The following LCT variants were observed in gnomAD, a reference collection of about 807,000 sequenced individuals.
LCT encodes the protein lactase, also known as lactase/phlorizin hydrolase.
In LCT, 90 loss-of-function variants were observed where a neutral mutation model predicts 173.0. The observed-to-expected ratio is 0.52, with a 90% CI of 0.44 to 0.62. LCT has a LOEUF of 0.62. Ranked by LOEUF, LCT falls within the 20% of genes least tolerant of loss-of-function variation. The probability of loss-of-function intolerance (pLI) is 0.00; values close to 1 mark genes in which losing one functional copy is unlikely to be tolerated. For missense variants in LCT, 1,864 were observed against 2,431.4 expected, an observed-to-expected ratio of 0.77 and a Z score of 4.91; for synonymous variants, 853 against 957.6, an observed-to-expected ratio of 0.89 and a Z score of 2.02.
rs769747422 is a variant in LCT at position 135,808,723 on chromosome 2, C to T, written c.3624G>A (p.Thr1208=). 4.3e-6 allele frequency: 7 copies of T among 1,614,064 alleles called. No individual in the cohort carries two copies. The highest frequency in any genetic ancestry group is 3.3e-5 in the South Asian group (3 of 91,090). The change falls in exon 8 of 17, where the codon ACG becomes ACA. Residue 1208 remains threonine (T), a synonymous_variant. Coordinates refer to ENST00000264162, the MANE Select transcript of LCT (RefSeq NM_002299.4). ...TGTGCTGCACGATTCTGGAGTAGTACGTGTTGAGGCAGAAGACGTCGGCCG... is the reference window on the plus strand; with the variant it reads ...TGTGCTGCACGATTCTGGAGTAGTATGTGTTGAGGCAGAAGACGTCGGCCG... The part of the protein sequence containing the change: ...RATADVFCLN[T]YYSRIVQHKT...
At chr2:135,793,198 AG>A (rs2105519149) in intron 14 of LCT, among the ~76,000 whole-genome samples, 1 of 152,332 alleles carries the variant, frequency 6.6e-6, no homozygotes, top group South Asian at 2.1e-4. Flanking sequence ...ACTACAACCA[AG>A]GACCCTCACA....
intron 6 of LCT, 38 bp downstream of exon 6, chr2:135,817,303 C>T: frequency 1.2e-6 from 2 of 1,602,578 alleles, no homozygotes; most frequent in South Asian, 2.2e-5. Flanking sequence ...AATGTCCTTT[C>T]TCCTCCAATT....
intron 14 of LCT, among the ~76,000 whole-genome samples, chr2:135,792,425 A>G (rs765667445): frequency 3.9e-5 from 6 of 152,212 alleles, no homozygotes; most frequent in Non-Finnish European, 5.9e-5. Context: ...AGTGCAGATA[A>G]AAGCACAGAA....
At chr2:135,804,735 C>A in intron 10 of LCT, 32 bp downstream of exon 10, 1 of 1,609,140 alleles carries the variant, frequency 6.2e-7, no homozygotes, top group Non-Finnish European at 8.5e-7. Context: ...TGCATGTGGA[C>A]TTTCCCAAGG....
intron 4 of LCT, among the ~76,000 whole-genome samples, 158 bp downstream of exon 4, chr2:135,823,743 G>A (rs2077857486): frequency 6.6e-6 from 1 of 152,150 alleles, no homozygotes; most frequent in African/African-American, 2.4e-5. Flanking sequence ...ACCATCAGTA[G>A]GAAGGCATAG....
At chr2:135,806,944 G>A (rs1373224659) in intron 9 of LCT, among the ~76,000 whole-genome samples, 184 bp downstream of exon 9, 5 of 152,160 alleles carry the variant, frequency 3.3e-5, no homozygotes, top group African/African-American at 1.2e-4. Flanking sequence ...ATGCTGGTCT[G>A]GGTAAATTTG....
rs1359869717 is a variant in LCT, at chr2:135,809,333, T to C, written c.3014A>G (p.Asn1005Ser). The change falls in exon 8 of 17, where the codon AAT becomes AGT. Residue 1005 changes from asparagine to serine, a missense_variant. Asn to Ser is a conservative substitution (Grantham distance 46). Around this residue, in one of 4 missense-constraint regions of LCT, gnomAD observed 755 missense variants for 926.3 expected, o/e 0.82. Coordinates refer to ENST00000264162, the MANE Select transcript of LCT (RefSeq NM_002299.4). The surrounding 1 kb of genome is among the most constrained non-coding windows in gnomAD (Gnocchi z 5.5). The part of the protein sequence containing the change: ...HGVDYYNRLI[N>S]GLVASNIFPM... ...AAAGATGTTGCTTGCCACCAAGCCA[T>C]TGATCAGCCTGTTGTAATAATCAAC... The C allele has an allele frequency of 1.9e-6, 3 of 1,614,098 alleles. No homozygotes were observed. The highest frequency in any genetic ancestry group is 1.3e-5 in the African/African-American group (1 of 74,930).
At chr2:135,796,630 C>G (rs2077584612) in intron 13 of LCT, among the ~76,000 whole-genome samples, 1 of 152,214 alleles carries the variant, frequency 6.6e-6, no homozygotes, top group African/African-American at 2.4e-5. Context: ...CCTGGGTCTA[C>G]CCAGCCTACC....
In LCT at chr2:135,809,923, AG is replaced by A. The variant is rs1310762569; in HGVS notation, c.2423del (p.Pro808LeufsTer35). 3.1e-6 allele frequency: 5 copies of A among 1,614,142 alleles called. No individual in the cohort carries two copies. Among genetic ancestry groups the A allele is most frequent in the Non-Finnish European group, 4.2e-6 (5 of 1,180,052 alleles). ...GGCCAAACCGCTGGCTGTAACCAGA[AG>A]GGCCTTCGAAGCCATCAATGAGGGA... ...ARSLIDGFEG[P>X]SGYSQRFGLH... On this transcript the variant is annotated frameshift_variant, in exon 8 of 17. Coordinates refer to ENST00000264162, the MANE Select transcript of LCT (RefSeq NM_002299.4). LOFTEE classifies it high-confidence loss of function. This position sits in a 1 kb window ranked among gnomAD's most constrained non-coding sequence, Gnocchi z 5.5.
chr2:135,789,787 T>C lies in LCT; in HGVS notation c.5347A>G (p.Lys1783Glu), dbSNP rs750995589. The stretch of plus-strand genomic sequence containing the variant: ...ACTGTGTATCCTCGAAGGTCCACCT[T>C]GTCCTGCACAGCTGCTCAAACACAG... ...INEALKAVQD[K>E]VDLRGYTVWS... The change falls in exon 16 of 17, where the codon AAG becomes GAG. Residue 1783 changes from lysine to glutamate, a missense_variant. Physicochemically the swap from Lys to Glu is moderately conservative, Grantham distance 56. Coordinates refer to ENST00000264162, the MANE Select transcript of LCT (RefSeq NM_002299.4). 6.2e-7 allele frequency: 1 copy of C among 1,613,858 alleles called. No individual in the cohort carries two copies. The highest frequency in any genetic ancestry group is 1.1e-5 in the South Asian group (1 of 91,080).
At chr2:135,817,303 C>G in intron 6 of LCT, 38 bp downstream of exon 6, 1 of 1,602,578 alleles carries the variant, frequency 6.2e-7, no homozygotes, top group South Asian at 1.1e-5. Flanking sequence ...AATGTCCTTT[C>G]TCCTCCAATT....
At chr2:135,807,706 G>A (rs1247581152) in intron 8 of LCT, among the ~76,000 whole-genome samples, 1 of 152,106 alleles carries the variant, frequency 6.6e-6, no homozygotes. Flanking sequence ...CTACTGGGGA[G>A]GCTGAGGCAA....
At chr2:135,834,609 G>A (rs2077969464) in intron 1 of LCT, among the ~76,000 whole-genome samples, 1 of 148,794 alleles carries the variant, frequency 6.7e-6, no homozygotes. Flanking sequence ...CCAACACGGT[G>A]AAACCCCATC....
rs748221937 is a variant in LCT at position 135,836,813 on chromosome 2, G to C, written c.357C>G (p.Ala119=). The C allele has an allele frequency of 6.2e-7, 1 of 1,614,182 alleles. No individual in the cohort carries two copies. Among genetic ancestry groups the C allele is most frequent in the Admixed American group, 1.7e-5 (1 of 60,024 alleles). ...TVQCYRRLLK[A]LKTARLQPMV... is the part of the protein sequence containing the mutation. The stretch of plus-strand genomic sequence containing the variant: ...TGGGCTGAAGCCGTGCAGTCTTGAG[G>C]GCCTTGAGGAGTCGCCGGTAGCACT... The change falls in exon 1 of 17, where the codon GCC becomes GCG. Residue 119 remains alanine, a synonymous_variant. Transcript: ENST00000264162.
At chr2:135,793,202 C>T (rs1423200916) in intron 14 of LCT, among the ~76,000 whole-genome samples, 1 of 152,220 alleles carries the variant, frequency 6.6e-6, no homozygotes, top group Non-Finnish European at 1.5e-5. Flanking sequence ...CAACCAAGGA[C>T]CCTCACAGAA....
At chr2:135,805,078 T>C in intron 9 of LCT, 21 bp from the exon 10 acceptor site, 1 of 1,612,716 alleles carries the variant, frequency 6.2e-7, no homozygotes, top group Non-Finnish European at 8.5e-7. Context: ...CAAGACATGG[T>C]CTTATTAAGT....
In LCT at chr2:135,788,642, G is replaced by A. The variant is rs142752338; in HGVS notation, c.5564-98C>T. 4,747 of 813,242 alleles carry A rather than the reference G, an allele frequency of 5.8e-3. 165 individuals carry two copies. In the Admixed American group the frequency reaches 0.068, roughly 12 times the overall value. 50.4% of individuals were successfully genotyped at this position (813,242 alleles called of 1,614,324 possible). On this transcript the variant is annotated intron_variant, in intron 16 of 16. Transcript: ENST00000264162. ...AGAGGCTGCACGGTACCCCAAATCCGCACAGCCATTGACGGGATGCCGAGG... is the reference window on the plus strand; with the variant it reads ...AGAGGCTGCACGGTACCCCAAATCCACACAGCCATTGACGGGATGCCGAGG...
chr2:135,812,669 C>G lies in LCT; in HGVS notation c.1995G>C (p.Glu665Asp). Residue 665 changes from glutamate (E) to aspartate (D), a missense_variant, in exon 7 of 17, where the codon GAG (glutamate) becomes GAC (aspartate). This residue lies in a region of LCT where 755 missense variants were observed against 926.3 expected (regional missense o/e 0.82). Coordinates refer to ENST00000264162, the MANE Select transcript of LCT (RefSeq NM_002299.4). ...GGAGCTGCTTCTCTGCCTCTGTGAA[C>G]TCGGGGAGTTGAGCCACAGGATGGG... ...QCSHPVAQLP[E>D]FTEAEKQLLK... 6.2e-7 allele frequency: 1 copy of G among 1,613,354 alleles called. No individual in the cohort carries two copies. The highest frequency in any genetic ancestry group is 8.5e-7 in the Non-Finnish European group (1 of 1,179,274).
chr2:135,805,931 CTT>C (rs1367178337), intron 9 of LCT, among the ~76,000 whole-genome samples: 1 of 152,104 alleles, frequency 6.6e-6, no homozygotes, highest in Non-Finnish European at 1.5e-5. Context: ...AATTCCAGCA[CTT>C]TGGGAGGCTG....
Sources: gnomAD v4.1 joint callset for allele counts (sites outside exome capture counted in the v4.1 genomes callset) on GRCh38, gnomAD v4.1.1 for gene constraint, gnomAD v4.1.1 regional missense constraint, Gnocchi (gnomAD v3.1) non-coding constraint, MANE v1.5 for transcripts, NCBI Gene and HGNC (gene_info 2026-07-23, HGNC 2026-07-21) for gene names.